The following FRMD5 variants were observed in gnomAD, a reference collection of about 807,000 sequenced individuals.
FRMD5 encodes the protein FERM domain-containing protein 5.
FRMD5 carries 20 observed loss-of-function variants against 69.0 expected under a neutral mutation model. That is an observed-to-expected ratio of 0.29 (90% CI 0.20 to 0.42). FRMD5 has a LOEUF of 0.42. Among genes scored for constraint, FRMD5 ranks in the 10% least tolerant of loss-of-function variants. The probability of loss-of-function intolerance (pLI) is 1.00; values close to 1 mark genes in which losing one functional copy is unlikely to be tolerated. For missense variants in FRMD5, 595 were observed against 708.6 expected, an observed-to-expected ratio of 0.84 and a Z score of 1.82; for synonymous variants, 271 against 260.1, an observed-to-expected ratio of 1.04 and a Z score of -0.40.
chr15:43,877,586 G>T (rs955642449), intron 13 of FRMD5, among the ~76,000 whole-genome samples: 2 of 152,182 alleles, frequency 1.3e-5, no homozygotes, highest in Non-Finnish European at 2.9e-5. Context: ...AGAGGGTGGG[G>T]GCAAAGGCAG....
At chr15:44,029,015 A>G (rs1036440267) in intron 1 of FRMD5, among the ~76,000 whole-genome samples, 1 of 152,228 alleles carries the variant, frequency 6.6e-6, no homozygotes, top group African/African-American at 2.4e-5. Context: ...TTACCACTAC[A>G]TCCACTGCTT....
At chr15:43,917,451 C>T (rs1158725576) in intron 4 of FRMD5, among the ~76,000 whole-genome samples, 4 of 151,998 alleles carry the variant, frequency 2.6e-5, no homozygotes, top group Non-Finnish European at 4.4e-5. Context: ...AGTGTAATGC[C>T]GCAATCTTGG....
intron 1 of FRMD5, among the ~76,000 whole-genome samples, chr15:44,177,180 G>A (rs1337627374): frequency 6.6e-6 from 1 of 151,944 alleles, no homozygotes; most frequent in Non-Finnish European, 1.5e-5. Flanking sequence ...CCATCCAAAA[G>A]AAATAAAAAC....
intron 1 of FRMD5, among the ~76,000 whole-genome samples, chr15:44,068,853 A>C (rs1212623470): frequency 6.6e-6 from 1 of 152,216 alleles, no homozygotes; most frequent in Non-Finnish European, 1.5e-5. Flanking sequence ...GCTACAACAC[A>C]TCATAGAAGT....
intron 1 of FRMD5, among the ~76,000 whole-genome samples, chr15:44,191,922 T>TATA (rs1279440991): frequency 0.1 from 915 of 8,854 alleles, 73 homozygotes; most frequent in Middle Eastern, 0.29. Flanking sequence ...TATATATATA[T>TATA]TATATATATA....
intron 1 of FRMD5, among the ~76,000 whole-genome samples, chr15:44,183,064 C>T (rs1484786687): frequency 6.6e-6 from 1 of 152,064 alleles, no homozygotes; most frequent in Admixed American, 6.6e-5. Flanking sequence ...TCCCAAAGTG[C>T]TAGGATTACA....
chr15:43,965,858 G>A (rs184621657), intron 1 of FRMD5, among the ~76,000 whole-genome samples: 5 of 151,988 alleles, frequency 3.3e-5, no homozygotes, highest in African/African-American at 1.2e-4. Flanking sequence ...GGGATTACAG[G>A]CGTGAGCCAC....
intron 1 of FRMD5, among the ~76,000 whole-genome samples, chr15:44,130,441 T>C (rs933886542): frequency 6.6e-6 from 1 of 152,172 alleles, no homozygotes; most frequent in African/African-American, 2.4e-5. Flanking sequence ...CCTGGCTCAC[T>C]AGTAAAGCTT....
chr15:43,900,834 G>A (rs1218713945), intron 7 of FRMD5, among the ~76,000 whole-genome samples: 1 of 152,074 alleles, frequency 6.6e-6, no homozygotes, highest in African/African-American at 2.4e-5. Context: ...GTCCAGGATG[G>A]TCTTGAACTC....
chr15:43,969,163 C>T (rs553221150), intron 1 of FRMD5, among the ~76,000 whole-genome samples: 1 of 151,738 alleles, frequency 6.6e-6, no homozygotes, highest in African/African-American at 2.4e-5. Flanking sequence ...TCATGGCTCA[C>T]TGCAGCCTCC....
intron 1 of FRMD5, among the ~76,000 whole-genome samples, chr15:44,016,652 G>A (rs1182046417): frequency 1.3e-5 from 2 of 151,918 alleles, no homozygotes; most frequent in African/African-American, 4.8e-5. Context: ...GAACCCGGGA[G>A]GTGGAGGCTG....
chr15:43,976,726 G>A (rs111514241), intron 1 of FRMD5, among the ~76,000 whole-genome samples: 14,698 of 152,186 alleles, frequency 0.097, 966 homozygotes, highest in East Asian at 0.2. Flanking sequence ...GAGTGCAATG[G>A]TGCGATCTCG....
At chr15:44,007,635 TAA>T (rs1317689673) in intron 1 of FRMD5, among the ~76,000 whole-genome samples, 72 of 116,798 alleles carry the variant, frequency 6.2e-4, no homozygotes, top group African/African-American at 1.8e-3. Context: ...ATTAATTAAC[TAA>T]TTTTTTTTTT....
intron 1 of FRMD5, among the ~76,000 whole-genome samples, chr15:43,971,976 G>A (rs184551659): frequency 6.0e-5 from 9 of 150,822 alleles, no homozygotes; most frequent in African/African-American, 2.2e-4. Flanking sequence ...CCAGCTCTTT[G>A]CCTGAGGTCA....
At chr15:43,943,460 C>T (rs2089895199) in intron 1 of FRMD5, among the ~76,000 whole-genome samples, 1 of 152,226 alleles carries the variant, frequency 6.6e-6, no homozygotes, top group South Asian at 2.1e-4. Flanking sequence ...TTTTAACTCA[C>T]CTCTGTACTG....
intron 1 of FRMD5, among the ~76,000 whole-genome samples, chr15:44,060,921 G>A (rs955575408): frequency 2.0e-5 from 3 of 152,186 alleles, no homozygotes; most frequent in Non-Finnish European, 2.9e-5. Context: ...TGAACAGGAG[G>A]AAACTGTTTC....
At chr15:43,933,248 GAGA>G (rs1172445436) in intron 1 of FRMD5, among the ~76,000 whole-genome samples, 1 of 152,172 alleles carries the variant, frequency 6.6e-6, no homozygotes, top group East Asian at 1.9e-4. Flanking sequence ...AGGAGAAGAG[GAGA>G]AGGAGGCAAG....
At chr15:43,924,110 T>A (rs1039014342) in intron 2 of FRMD5, 95 bp downstream of exon 2, 48 of 984,496 alleles carry the variant, frequency 4.9e-5, no homozygotes, top group Non-Finnish European at 7.3e-5. Flanking sequence ...TGGTCCCTGA[T>A]TCCTGAAGCT....
intron 1 of FRMD5, among the ~76,000 whole-genome samples, chr15:44,162,455 A>G (rs2140503019): frequency 6.6e-6 from 1 of 151,956 alleles, no homozygotes; most frequent in Admixed American, 6.6e-5. Context: ...CTAACACTGC[A>G]TTTCCTCCCT....
Sources: allele counts gnomAD v4.1 joint callset (sites outside exome capture counted in the v4.1 genomes callset), GRCh38; gene constraint gnomAD v4.1.1; transcripts MANE v1.5; gene names NCBI Gene and HGNC (gene_info 2026-07-23, HGNC 2026-07-21).